UNC5D: variants seen among roughly 807,000 people sequenced by gnomAD.
UNC5D encodes the protein unc-5 netrin receptor D.
Under a neutral mutation model 105.4 loss-of-function variants are expected in UNC5D, and 39 were observed. That is an observed-to-expected ratio of 0.37 (90% CI 0.29 to 0.48). The LOEUF is 0.48. Among genes scored for constraint, UNC5D ranks in the 20% least tolerant of loss-of-function variants. The pLI, the probability that UNC5D is intolerant of heterozygous loss-of-function variation, is 0.98. For missense variants in UNC5D, 991 were observed against 1,202.4 expected, an observed-to-expected ratio of 0.82 and a Z score of 2.60; for synonymous variants, 452 against 450.4, an observed-to-expected ratio of 1.00 and a Z score of -0.04.
At chr8:35,388,942 TA>T (rs1803602959) in intron 1 of UNC5D, among the ~76,000 whole-genome samples, 1 of 152,238 alleles carries the variant, frequency 6.6e-6, no homozygotes, top group Non-Finnish European at 1.5e-5. Flanking sequence ...TAAGGTTTCC[TA>T]GTGAAAATAA....
At chr8:35,604,357 T>A (rs1271215781) in intron 4 of UNC5D, among the ~76,000 whole-genome samples, 1 of 152,224 alleles carries the variant, frequency 6.6e-6, no homozygotes. Flanking sequence ...TCTTTAAGAA[T>A]GTGGAATATT....
chr8:35,425,816 A>G (rs1275947314), intron 1 of UNC5D, among the ~76,000 whole-genome samples: 1 of 152,136 alleles, frequency 6.6e-6, no homozygotes, highest in Non-Finnish European at 1.5e-5. Flanking sequence ...TTAATTGGAC[A>G]TATCATAATT....
chr8:35,784,420 A>G (rs1485266192), intron 16 of UNC5D, among the ~76,000 whole-genome samples: 1 of 152,102 alleles, frequency 6.6e-6, no homozygotes, highest in Non-Finnish European at 1.5e-5. Flanking sequence ...ATTGAAGACA[A>G]AATAATGCTA....
intron 1 of UNC5D, among the ~76,000 whole-genome samples, chr8:35,487,194 A>T (rs1457897297): frequency 1.4e-5 from 2 of 145,912 alleles, no homozygotes; most frequent in Non-Finnish European, 3.1e-5. Context: ...TGAAATTGAG[A>T]TGATATTGCA....
intron 7 of UNC5D, among the ~76,000 whole-genome samples, chr8:35,689,316 T>G (rs1826234015): frequency 6.6e-6 from 1 of 152,212 alleles, no homozygotes; most frequent in South Asian, 2.1e-4. Flanking sequence ...CATTTACCAA[T>G]TGAATAAGAG....
intron 1 of UNC5D, among the ~76,000 whole-genome samples, chr8:35,417,287 C>T (rs1477680462): frequency 6.6e-6 from 1 of 152,036 alleles, no homozygotes; most frequent in African/African-American, 2.4e-5. Context: ...TTTCTATCTC[C>T]ATGAGTTTTG....
At chr8:35,507,156 C>G (rs938986023) in intron 1 of UNC5D, among the ~76,000 whole-genome samples, 2 of 146,716 alleles carry the variant, frequency 1.4e-5, no homozygotes, top group East Asian at 4.1e-4. Flanking sequence ...CCCGGGTTCA[C>G]GCCATTCTCC....
chr8:35,609,625 T>C (rs1820545594), intron 4 of UNC5D, among the ~76,000 whole-genome samples: 1 of 152,228 alleles, frequency 6.6e-6, no homozygotes, highest in African/African-American at 2.4e-5. Context: ...GATATGAGTA[T>C]ACTATAGGTA....
At chr8:35,352,309 A>C (rs1029960419) in intron 1 of UNC5D, among the ~76,000 whole-genome samples, 1 of 152,046 alleles carries the variant, frequency 6.6e-6, no homozygotes, top group African/African-American at 2.4e-5. Context: ...CATAAATAAT[A>C]GTTATGATCC....
intron 1 of UNC5D, among the ~76,000 whole-genome samples, chr8:35,482,905 C>T (rs1185780243): frequency 3.5e-5 from 5 of 143,986 alleles, no homozygotes; most frequent in Middle Eastern, 3.7e-3. Flanking sequence ...TGGATTCAAG[C>T]GATTCTCCTG....
At chr8:35,645,098 A>G (rs1368384036) in intron 4 of UNC5D, among the ~76,000 whole-genome samples, 6 of 152,152 alleles carry the variant, frequency 3.9e-5, no homozygotes, top group South Asian at 2.1e-4. Flanking sequence ...ACTCTGGCAC[A>G]GTGAGAGTTC....
At chr8:35,703,546 T>C (rs757536160) in intron 7 of UNC5D, among the ~76,000 whole-genome samples, 8 of 152,246 alleles carry the variant, frequency 5.3e-5, no homozygotes, top group Non-Finnish European at 8.8e-5. Flanking sequence ...CTCAAGTCCA[T>C]GGCCCTGGGC....
intron 16 of UNC5D, among the ~76,000 whole-genome samples, chr8:35,781,182 G>A (rs541341376): frequency 1.3e-5 from 2 of 152,264 alleles, no homozygotes; most frequent in South Asian, 2.1e-4. Flanking sequence ...CAGCAAAGTG[G>A]TAGAGGTTTG....
At chr8:35,357,861 C>T (rs1801647113) in intron 1 of UNC5D, among the ~76,000 whole-genome samples, 1 of 152,064 alleles carries the variant, frequency 6.6e-6, no homozygotes, top group South Asian at 2.1e-4. Context: ...AGCTATCAAG[C>T]TTCCTTCCTT....
intron 15 of UNC5D, among the ~76,000 whole-genome samples, chr8:35,768,041 T>C (rs1801851146): frequency 6.6e-6 from 1 of 150,542 alleles, no homozygotes; most frequent in Admixed American, 6.7e-5. Flanking sequence ...TATATAAATA[T>C]ATATTTATAA....
intron 3 of UNC5D, among the ~76,000 whole-genome samples, chr8:35,586,626 G>A (rs2130863506): frequency 6.6e-6 from 1 of 152,252 alleles, no homozygotes; most frequent in Admixed American, 6.5e-5. Flanking sequence ...GACAAATGGG[G>A]TTTGTTGTTC....
intron 4 of UNC5D, among the ~76,000 whole-genome samples, chr8:35,613,008 T>A (rs1368963953): frequency 6.6e-6 from 1 of 152,066 alleles, no homozygotes; most frequent in Non-Finnish European, 1.5e-5. Flanking sequence ...CTGCAGAGGA[T>A]GGTGGCAGAG....
intron 1 of UNC5D, among the ~76,000 whole-genome samples, chr8:35,287,349 G>A (rs1042285842): frequency 1.6e-4 from 24 of 152,080 alleles, no homozygotes; most frequent in Non-Finnish European, 1.6e-4. Context: ...GGAACTACAA[G>A]AAAATACAGA....
chr8:35,294,047 C>T (rs1807278343), intron 1 of UNC5D, among the ~76,000 whole-genome samples: 1 of 152,142 alleles, frequency 6.6e-6, no homozygotes, highest in Admixed American at 6.6e-5. Context: ...GGGGATAAAG[C>T]ATCAATGAAA....
Sources: allele counts gnomAD v4.1 joint callset (sites outside exome capture counted in the v4.1 genomes callset), GRCh38; gene constraint gnomAD v4.1.1; transcripts MANE v1.5; gene names NCBI Gene and HGNC (gene_info 2026-07-23, HGNC 2026-07-21).